The following NAV3 variants were observed in gnomAD, a reference collection of about 807,000 sequenced individuals.
NAV3 encodes neuron navigator 3.
In NAV3, 87 loss-of-function variants were observed where a neutral mutation model predicts 244.7. That is an observed-to-expected ratio of 0.36 (90% CI 0.30 to 0.42). The LOEUF is 0.42. Among genes scored for constraint, NAV3 ranks in the 20% least tolerant of loss-of-function variants. The pLI is 1.00. For synonymous variants in NAV3, 1,126 were observed against 1,042.2 expected (o/e 1.08, Z -1.55); for missense variants, 2,663 against 2,893.3 (o/e 0.92, Z 1.83).
At chr12:78,082,145 T>C (rs893819490) in intron 12 of NAV3, among the ~76,000 whole-genome samples, 6 of 152,214 alleles carry the variant, frequency 3.9e-5, no homozygotes, top group African/African-American at 1.4e-4. Flanking sequence ...TGCCACCATG[T>C]AAGATGTGGC....
intron 33 of NAV3, among the ~76,000 whole-genome samples, chr12:78,189,283 T>C (rs575098919): frequency 1.3e-5 from 2 of 152,008 alleles, no homozygotes; most frequent in African/African-American, 4.8e-5. Flanking sequence ...GAAGCATCTT[T>C]GTCTTCACAA....
intron 9 of NAV3, chr12:78,037,026 G>A (rs1436066196): frequency 2.8e-6 from 2 of 702,940 alleles, no homozygotes; most frequent in East Asian, 2.7e-5. Context: ...TGCTGCCAAG[G>A]CCAGCCAGAG....
chr12:77,974,497 C>A (rs1314989398), intron 5 of NAV3, among the ~76,000 whole-genome samples: 3 of 151,630 alleles, frequency 2.0e-5, no homozygotes, highest in Non-Finnish European at 4.4e-5. Context: ...ATGGTTTCAC[C>A]ATGTTGGCCA....
chr12:78,014,041 A>T (rs1875764421), intron 8 of NAV3, among the ~76,000 whole-genome samples: 1 of 151,776 alleles, frequency 6.6e-6, no homozygotes, highest in African/African-American at 2.4e-5. Context: ...TTTTTCTTCC[A>T]TTGCTTTTGT....
Position 78,185,563 on chromosome 12 carries a change from T to C in NAV3, c.5693-38T>C. ...ACAGTAAACAAATCTGAGCTAATGT[T>C]ATACTGTTGTGTATGTCTTTCTTTT... On this transcript the variant is annotated intron_variant, in intron 30 of 39. Coordinates refer to ENST00000397909, the MANE Select transcript of NAV3 (RefSeq NM_001024383.2). The C allele has an allele frequency of 3.2e-6, 5 of 1,542,258 alleles. No individual in the cohort carries two copies. In the South Asian group the frequency reaches 5.6e-5, roughly 17 times the overall value.
intron 2 of NAV3, among the ~76,000 whole-genome samples, chr12:77,722,105 A>G (rs552476331): frequency 6.6e-6 from 1 of 152,224 alleles, no homozygotes; most frequent in East Asian, 1.9e-4. Flanking sequence ...TGAAAAAAGC[A>G]ACGAAGCCCA....
At chr12:77,729,103 G>A (rs1417026771) in intron 2 of NAV3, among the ~76,000 whole-genome samples, 3 of 152,040 alleles carry the variant, frequency 2.0e-5, no homozygotes, top group African/African-American at 7.2e-5. Flanking sequence ...TTATCAGTAA[G>A]GCTTCCAGTC....
chr12:77,860,730 A>G (rs146065866), intron 1 of NAV3, among the ~76,000 whole-genome samples: 254 of 151,986 alleles, frequency 1.7e-3, no homozygotes, highest in Non-Finnish European at 3.1e-3. Flanking sequence ...TTAAAATTTT[A>G]AATAGAGCTC....
chr12:77,951,415 A>G (rs1239454421), intron 3 of NAV3, among the ~76,000 whole-genome samples: 1 of 152,176 alleles, frequency 6.6e-6, no homozygotes. Context: ...AAAAGTCAGG[A>G]AACAGCAGTG....
At chr12:77,978,967 T>C (rs1540592) in intron 5 of NAV3, among the ~76,000 whole-genome samples, 44,475 of 151,606 alleles carry the variant, frequency 0.29, 6,658 homozygotes, top group African/African-American at 0.36. Context: ...GAAAACATAT[T>C]AATAATTATG....
chr12:77,818,920 C>T (rs1056111889), intron 2 of NAV3, among the ~76,000 whole-genome samples: 1 of 151,946 alleles, frequency 6.6e-6, no homozygotes, highest in African/African-American at 2.4e-5. Context: ...ACAAATAGCT[C>T]ATTTCCCGGA....
Position 77,961,301 on chromosome 12 carries a change from T to C in NAV3, c.415-4928T>C, listed in dbSNP as rs1891937533. 3.1e-5 allele frequency among the ~76,000 whole-genome samples: 3 copies of C among 98,332 alleles called. 1 individual carries two copies. Among genetic ancestry groups the C allele is most frequent in the African/African-American group, 8.4e-5 (3 of 35,590 alleles). The allele number at this position is 98,332 out of a possible 152,430, so 64.5% of individuals were successfully genotyped here. A position where few individuals can be genotyped will look rare whatever the true frequency, so the allele number is the denominator to read the frequency against. ...GTATGACATATGCAATATACACATA[T>C]GTATATATTACACATATACATATAT... On this transcript the variant is annotated intron_variant, in intron 3 of 39. Coordinates refer to ENST00000397909, the MANE Select transcript of NAV3 (RefSeq NM_001024383.2).
Position 78,051,150 on chromosome 12 carries a change from A to G in NAV3, c.2516+3A>G, listed in dbSNP as rs2137265093. 6.3e-7 allele frequency: 1 copy of G among 1,597,598 alleles called. No individual in the cohort carries two copies. The highest frequency in any genetic ancestry group is 1.3e-5 in the African/African-American group (1 of 74,780). Reference sequence around the variant, plus strand: ...AGGACTGATGACATCAACAGTGGGTAAGTAACCCTGTTCTCCGTCAGCATT... The same window carrying G: ...AGGACTGATGACATCAACAGTGGGTGAGTAACCCTGTTCTCCGTCAGCATT... On this transcript the variant is annotated splice_donor_region_variant and intron_variant, in intron 11 of 39. Transcript: ENST00000397909.
At chr12:77,650,043 C>T (rs994293183) in intron 2 of NAV3, among the ~76,000 whole-genome samples, 4 of 152,112 alleles carry the variant, frequency 2.6e-5, no homozygotes, top group African/African-American at 9.7e-5. Flanking sequence ...CTTAAGTTTG[C>T]CTTCCCTAGA....
intron 2 of NAV3, among the ~76,000 whole-genome samples, chr12:77,683,089 G>A (rs980136308): frequency 6.6e-5 from 10 of 152,040 alleles, no homozygotes; most frequent in Non-Finnish European, 1.2e-4. Flanking sequence ...ATATTGTCAA[G>A]ACCAATGTCA....
intron 9 of NAV3, among the ~76,000 whole-genome samples, chr12:78,043,382 C>T (rs1260633368): frequency 1.3e-5 from 2 of 152,130 alleles, no homozygotes; most frequent in African/African-American, 4.8e-5. Flanking sequence ...AACAGTGCTG[C>T]AATAAACATA....
intron 2 of NAV3, among the ~76,000 whole-genome samples, chr12:77,824,559 G>T (rs923621900): frequency 1.3e-5 from 2 of 151,780 alleles, no homozygotes; most frequent in African/African-American, 4.8e-5. Context: ...CTATAAAAAG[G>T]TCCAATGAAC....
chr12:78,007,752 T>C (rs1874493812), intron 8 of NAV3, among the ~76,000 whole-genome samples: 1 of 152,240 alleles, frequency 6.6e-6, no homozygotes, highest in Non-Finnish European at 1.5e-5. Context: ...ATTCATATTA[T>C]TGCTACTACT....
At chr12:78,156,614 C>T (rs1957314692) in intron 22 of NAV3, among the ~76,000 whole-genome samples, 1 of 151,984 alleles carries the variant, frequency 6.6e-6, no homozygotes, top group South Asian at 2.1e-4. Context: ...AATGATTAAA[C>T]CTTACATTTC....
Sources: allele counts gnomAD v4.1 joint callset (sites outside exome capture counted in the v4.1 genomes callset), GRCh38; gene constraint gnomAD v4.1.1; transcripts MANE v1.5; gene names NCBI Gene and HGNC (gene_info 2026-07-23, HGNC 2026-07-21).